The following CNBD1 variants were observed in gnomAD, a reference collection of about 807,000 sequenced individuals.
CNBD1 encodes the protein cyclic nucleotide-binding domain-containing protein 1.
A neutral mutation model predicts 54.4 loss-of-function variants in CNBD1; 71 were observed. The ratio of observed to expected loss-of-function variants is 1.30; its 90% CI spans 1.08 to 1.59. The LOEUF is 1.59. CNBD1 is among the 40% of genes most tolerant of loss of function. The probability of loss-of-function intolerance (pLI) is 0.00; values close to 1 mark genes in which losing one functional copy is unlikely to be tolerated. For synonymous variants in CNBD1, 182 were observed against 170.7 expected, an observed-to-expected ratio of 1.07 and a Z score of -0.51; for missense variants, 659 against 518.0, an observed-to-expected ratio of 1.27 and a Z score of -2.64.
chr8:87,079,431 A>G (rs555320053), intron 4 of CNBD1, among the ~76,000 whole-genome samples: 1 of 152,230 alleles, frequency 6.6e-6, no homozygotes, highest in Admixed American at 6.5e-5. Context: ...TTACATTTCC[A>G]TTATCAGTAT....
At chr8:87,274,228 C>T (rs946218904) in intron 6 of CNBD1, among the ~76,000 whole-genome samples, 3 of 150,820 alleles carry the variant, frequency 2.0e-5, no homozygotes, top group Non-Finnish European at 2.9e-5. Context: ...CCGCAATAAA[C>T]ATACGTGTGC....
At chr8:86,979,411 A>T (rs1808418121) in intron 4 of CNBD1, among the ~76,000 whole-genome samples, 1 of 144,844 alleles carries the variant, frequency 6.9e-6, no homozygotes, top group Non-Finnish European at 1.5e-5. Context: ...ACAAAAAAAA[A>T]AAAAAAAAAA....
intron 4 of CNBD1, among the ~76,000 whole-genome samples, chr8:86,981,792 C>G (rs923376659): frequency 3.9e-5 from 6 of 152,052 alleles, no homozygotes; most frequent in Middle Eastern, 3.2e-3. Flanking sequence ...GTAATTTGTT[C>G]ATCCATTAGA....
downstream of CNBD1, among the ~76,000 whole-genome samples, chr8:87,383,991 C>A (rs542105402): frequency 6.6e-6 from 1 of 152,152 alleles, no homozygotes; most frequent in South Asian, 2.1e-4. Flanking sequence ...GATTACAAGA[C>A]ATTAGTATTT....
chr8:87,360,763 C>G (rs28416897), intron 10 of CNBD1, among the ~76,000 whole-genome samples: 1,906 of 151,860 alleles, frequency 0.013, 47 homozygotes, highest in African/African-American at 0.043. Context: ...CTTAATTTGC[C>G]ATACCGAAAA....
At chr8:86,912,866 C>T (rs868061761) in intron 3 of CNBD1, among the ~76,000 whole-genome samples, 1 of 151,978 alleles carries the variant, frequency 6.6e-6, no homozygotes, top group Non-Finnish European at 1.5e-5. Context: ...ACAGTGATAT[C>T]AATGATCCTG....
At chr8:87,350,799 A>C (rs887570751) in intron 8 of CNBD1, among the ~76,000 whole-genome samples, 1 of 151,920 alleles carries the variant, frequency 6.6e-6, no homozygotes, top group Non-Finnish European at 1.5e-5. Flanking sequence ...AATATTTTGA[A>C]ATACTAATTT....
chr8:87,126,966 G>A (rs900140955), intron 4 of CNBD1, among the ~76,000 whole-genome samples: 1 of 151,416 alleles, frequency 6.6e-6, no homozygotes, highest in Non-Finnish European at 1.5e-5. Context: ...CAATTTTGGG[G>A]GTCTTGTTGT....
chr8:87,362,792 A>G (rs1465543809), intron 10 of CNBD1, among the ~76,000 whole-genome samples: 7 of 152,226 alleles, frequency 4.6e-5, no homozygotes, highest in Non-Finnish European at 1.0e-4. Context: ...TCAGGTACAT[A>G]TAACACTGCT....
intron 8 of CNBD1, among the ~76,000 whole-genome samples, chr8:87,326,208 C>T (rs1370091592): frequency 1.6e-5 from 2 of 123,844 alleles, no homozygotes; most frequent in Non-Finnish European, 3.6e-5. Flanking sequence ...TGAGGGTAAC[C>T]CGACCTTTCT....
chr8:87,412,672 A>T (rs1807767977), intron 2 of CNBD1, among the ~76,000 whole-genome samples: 1 of 152,048 alleles, frequency 6.6e-6, no homozygotes, highest in African/African-American at 2.4e-5. Flanking sequence ...CAATTGATAG[A>T]TGTTTATTTA....
chr8:86,968,506 C>G (rs1215874650), intron 4 of CNBD1, among the ~76,000 whole-genome samples: 1 of 152,178 alleles, frequency 6.6e-6, no homozygotes, highest in Non-Finnish European at 1.5e-5. Context: ...AGGCAACTCT[C>G]AATCATTTTA....
chr8:87,396,869 C>G (rs1000751562), intron 2 of CNBD1, among the ~76,000 whole-genome samples: 3 of 143,802 alleles, frequency 2.1e-5, no homozygotes, highest in Admixed American at 1.4e-4. Flanking sequence ...GGTTTTCTTT[C>G]TAATGTGTTA....
At chr8:86,922,165 T>C (rs1809284861) in intron 3 of CNBD1, among the ~76,000 whole-genome samples, 1 of 152,132 alleles carries the variant, frequency 6.6e-6, no homozygotes, top group Admixed American at 6.5e-5. Context: ...CTAAATGCTG[T>C]CAAAGCCACC....
chr8:87,280,204 T>A (rs1374064959), intron 6 of CNBD1, among the ~76,000 whole-genome samples: 1 of 151,600 alleles, frequency 6.6e-6, no homozygotes, highest in Non-Finnish European at 1.5e-5. Flanking sequence ...ATGCAATGTC[T>A]TTCTAATCTT....
chr8:87,250,832 C>T (rs1278882784), intron 6 of CNBD1, among the ~76,000 whole-genome samples: 1 of 152,050 alleles, frequency 6.6e-6, no homozygotes. Context: ...AGAAAGATAG[C>T]AGGGATTGGG....
At chr8:87,083,734 G>T (rs891803429) in intron 4 of CNBD1, among the ~76,000 whole-genome samples, 1 of 151,650 alleles carries the variant, frequency 6.6e-6, no homozygotes, top group South Asian at 2.1e-4. Flanking sequence ...GACTACAGTC[G>T]CCTACCACCA....
intron 1 of CNBD1, among the ~76,000 whole-genome samples, chr8:86,876,697 T>C (rs572922843): frequency 1.3e-5 from 2 of 152,084 alleles, no homozygotes; most frequent in Non-Finnish European, 2.9e-5. Context: ...GAAATACATA[T>C]TTTAACTATA....
At chr8:87,337,033 A>C (rs757706619) in intron 8 of CNBD1, among the ~76,000 whole-genome samples, 1 of 152,028 alleles carries the variant, frequency 6.6e-6, no homozygotes. Flanking sequence ...TTGAGATGTC[A>C]CTCAAGGAGG....
Sources: allele counts gnomAD v4.1 joint callset (sites outside exome capture counted in the v4.1 genomes callset), GRCh38; gene constraint gnomAD v4.1.1; transcripts MANE v1.5; gene names NCBI Gene and HGNC (gene_info 2026-07-23, HGNC 2026-07-21).